PRPF18: variants seen among roughly 807,000 people sequenced by gnomAD.
PRPF18 encodes the protein pre-mRNA processing factor 18, also known as pre-mRNA-splicing factor 18.
PRPF18 carries 38 observed loss-of-function variants against 46.5 expected under a neutral mutation model. That is an observed-to-expected ratio of 0.82 (90% CI 0.63 to 1.07). The LOEUF (loss-of-function observed/expected upper bound fraction) is 1.07. PRPF18 is among the 50% of genes least tolerant of loss of function. PRPF18 has a pLI of 0.00. For missense variants in PRPF18, 263 were observed against 410.0 expected (o/e 0.64, Z 3.10); for synonymous variants, 152 against 146.7 (o/e 1.04, Z -0.26).
chr10:13,610,346 C>A (rs1388308144), intron 5 of PRPF18, among the ~76,000 whole-genome samples, 161 bp downstream of exon 5: 1 of 152,038 alleles, frequency 6.6e-6, no homozygotes, highest in Non-Finnish European at 1.5e-5. Context: ...TTTTTCTCAT[C>A]CTCCACTCAC....
chr10:13,599,095 C>G (rs1232443143), intron 2 of PRPF18, among the ~76,000 whole-genome samples: 1 of 152,124 alleles, frequency 6.6e-6, no homozygotes, highest in Non-Finnish European at 1.5e-5. Context: ...AAATATGTTT[C>G]CATGCTTAAA....
chr10:13,645,817 G>A, the PRPF18 span: 3 of 152,728 alleles, frequency 2.0e-5, no homozygotes, highest in African/African-American at 4.8e-5. Context: ...AATGAGCCAC[G>A]ACAGTTAAAC....
the PRPF18 span, chr10:13,651,913 C>T: frequency 1.3e-6 from 2 of 1,556,596 alleles, no homozygotes; most frequent in Non-Finnish European, 1.8e-6. Context: ...CTCTATTCAT[C>T]AGTACTTTGG....
intron 9 of PRPF18, among the ~76,000 whole-genome samples, chr10:13,620,599 A>G (rs937751627): frequency 1.3e-5 from 2 of 152,164 alleles, no homozygotes; most frequent in Admixed American, 6.5e-5. Flanking sequence ...TCCTCCTCCT[A>G]TCAGAAGTAA....
rs147418812 is a variant in PRPF18, at chr10:13,627,355, A to G, written c.949-2905A>G. Among the ~76,000 whole-genome samples, 3 of 152,314 alleles carry G rather than the reference A, an allele frequency of 2.0e-5. No homozygotes were observed. The East Asian group carries it at 5.8e-4, about 29-fold the overall frequency. ...CTGTATTTCCAGAGCCTAGAACAGTATGTATAGTAGGCACTGAATAAACAT... is the reference window on the plus strand; with the variant it reads ...CTGTATTTCCAGAGCCTAGAACAGTGTGTATAGTAGGCACTGAATAAACAT... On this transcript the variant is annotated intron_variant, in intron 9 of 9. Transcript: ENST00000378572.
intron 1 of PRPF18, chr10:13,591,743 C>A: frequency 8.1e-7 from 1 of 1,231,888 alleles, no homozygotes; most frequent in Non-Finnish European, 1.1e-6. Context: ...GTGGCAATGA[C>A]AGATTTCTGG....
At chr10:13,602,203 G>T (rs573904352) in intron 3 of PRPF18, among the ~76,000 whole-genome samples, 2 of 152,212 alleles carry the variant, frequency 1.3e-5, no homozygotes, top group East Asian at 3.9e-4. Flanking sequence ...CAAACTGATG[G>T]GTGAAATAGG....
intron 1 of PRPF18, among the ~76,000 whole-genome samples, chr10:13,590,967 G>C (rs1037281269): frequency 6.6e-6 from 1 of 152,178 alleles, no homozygotes; most frequent in African/African-American, 2.4e-5. Flanking sequence ...ATTTTTCAAA[G>C]TGCTATATGC....
At chr10:13,621,639 C>T (rs1251276977) in intron 9 of PRPF18, among the ~76,000 whole-genome samples, 2 of 152,128 alleles carry the variant, frequency 1.3e-5, no homozygotes, top group Non-Finnish European at 1.5e-5. Context: ...TTATCCAGTT[C>T]GACTGCTGGC....
At chr10:13,587,895 C>CA (rs1564447146) in intron 1 of PRPF18, among the ~76,000 whole-genome samples, 1 of 152,206 alleles carries the variant, frequency 6.6e-6, no homozygotes, top group Non-Finnish European at 1.5e-5. Context: ...AACTTACACT[C>CA]ACGGCCTTCT....
downstream of PRPF18, among the ~76,000 whole-genome samples, chr10:13,632,290 G>A (rs746915745): frequency 6.6e-6 from 1 of 152,014 alleles, no homozygotes; most frequent in Non-Finnish European, 1.5e-5. Context: ...GCAGTGAGCC[G>A]AGATCGTGCC....
At chr10:13,627,040 T>A (rs1181534436) in intron 9 of PRPF18, among the ~76,000 whole-genome samples, 4 of 152,132 alleles carry the variant, frequency 2.6e-5, no homozygotes, top group Admixed American at 6.5e-5. Context: ...CTCTTATTGC[T>A]CCTCTCCAGT....
intron 2 of PRPF18, chr10:13,597,776 T>G: frequency 1.1e-6 from 1 of 869,656 alleles, no homozygotes; most frequent in Non-Finnish European, 1.7e-6. Context: ...CGGCATGAAG[T>G]GGCTTGAGAT....
At chr10:13,617,229 A>G (rs1344264518) in intron 9 of PRPF18, among the ~76,000 whole-genome samples, 1 of 152,256 alleles carries the variant, frequency 6.6e-6, no homozygotes, top group African/African-American at 2.4e-5. Flanking sequence ...AAAACTTGAC[A>G]GTGATACTCC....
chr10:13,594,428 C>T (rs2133209291), intron 1 of PRPF18, among the ~76,000 whole-genome samples: 1 of 152,236 alleles, frequency 6.6e-6, no homozygotes, highest in Middle Eastern at 3.4e-3. Flanking sequence ...GATACTACAC[C>T]AAAACTAGAC....
chr10:13,630,188 G>T (rs1589140968), intron 9 of PRPF18, 72 bp from the exon 10 acceptor site: 2 of 1,227,700 alleles, frequency 1.6e-6, no homozygotes, highest in East Asian at 4.7e-5. Context: ...AACTGATAAC[G>T]AGTTCAGAGG....
chr10:13,640,198 TC>T, the PRPF18 span: 2 of 152,282 alleles, frequency 1.3e-5, no homozygotes, highest in Admixed American at 1.3e-4. Context: ...CAGCCTTGCC[TC>T]TGGTTCCCAG....
At chr10:13,620,014 G>C (rs1339844727) in intron 9 of PRPF18, among the ~76,000 whole-genome samples, 1 of 151,860 alleles carries the variant, frequency 6.6e-6, no homozygotes, top group African/African-American at 2.4e-5. Flanking sequence ...TAAAATTCTT[G>C]GTTACAATTT....
chr10:13,626,942 C>G (rs531133595), intron 9 of PRPF18, among the ~76,000 whole-genome samples: 1 of 152,152 alleles, frequency 6.6e-6, no homozygotes, highest in East Asian at 1.9e-4. Context: ...AGCCCGATCC[C>G]TTCTCACCAC....
Sources: gnomAD v4.1 joint callset for allele counts (sites outside exome capture counted in the v4.1 genomes callset) on GRCh38, gnomAD v4.1.1 for gene constraint, MANE v1.5 for transcripts, NCBI Gene and HGNC (gene_info 2026-07-23, HGNC 2026-07-21) for gene names.